The following ADGRB1 variants were observed in gnomAD, a reference collection of about 807,000 sequenced individuals.
ADGRB1 encodes brain-specific angiogenesis inhibitor 1.
Under a neutral mutation model 175.7 loss-of-function variants are expected in ADGRB1, and 36 were observed. The observed-to-expected ratio is 0.20, with a 90% CI of 0.16 to 0.27. The LOEUF is 0.27. Among genes scored for constraint, ADGRB1 ranks in the 10% least tolerant of loss-of-function variants. The pLI is 1.00. For synonymous variants in ADGRB1, 1,054 were observed against 979.4 expected (o/e 1.08, Z -1.42); for missense variants, 1,731 against 2,255.3 (o/e 0.77, Z 4.71).
chr8:142,453,936 GC>G (rs376891300), intron 1 of ADGRB1, among the ~76,000 whole-genome samples: 61 of 152,342 alleles, frequency 4.0e-4, no homozygotes, highest in African/African-American at 1.5e-3. Context: ...AGGGCATTGT[GC>G]GGGTGTGAGA....
intron 17 of ADGRB1, among the ~76,000 whole-genome samples, chr8:142,507,189 G>A (rs1229195883): frequency 6.6e-6 from 1 of 152,232 alleles, no homozygotes; most frequent in African/African-American, 2.4e-5. Context: ...CAGAGTAGAA[G>A]CCATTATCGT....
chr8:142,502,399 ATGGTGGTGGTGG>A (rs1243939678), intron 17 of ADGRB1, among the ~76,000 whole-genome samples: 1 of 2,640 alleles, frequency 3.8e-4, no homozygotes, highest in African/African-American at 2.0e-3. Flanking sequence ...AGTGGTGGTG[ATGGTGGTGGTGG>A]TGGTGGTGAT....
At chr8:142,533,992 C>T (rs530336596) in intron 25 of ADGRB1, among the ~76,000 whole-genome samples, 3 of 152,352 alleles carry the variant, frequency 2.0e-5, no homozygotes, top group Non-Finnish European at 2.9e-5. Context: ...TCCAGATCAG[C>T]GCCAGGAGGG....
intron 1 of ADGRB1, among the ~76,000 whole-genome samples, chr8:142,457,939 G>A (rs1839769708): frequency 6.6e-6 from 1 of 152,210 alleles, no homozygotes. Context: ...ACCCTGAGCG[G>A]GGAAGGCCAG....
chr8:142,511,136 C>G lies in ADGRB1; in HGVS notation c.2817+63C>G. 1 of 1,032,656 alleles carries G rather than the reference C, an allele frequency of 9.7e-7. No individual in the cohort carries two copies. The highest frequency in any genetic ancestry group is 1.2e-6 in the Non-Finnish European group (1 of 858,894). 64.0% of individuals were successfully genotyped at this position (1,032,656 alleles called of 1,614,324 possible). A position where few individuals can be genotyped will look rare whatever the true frequency, so the allele number is the denominator to read the frequency against. Reference sequence around the variant, plus strand: ...CAGGGGCGCGGGCGGGGGCTGCCGGCGGGCCTGCGGGTGGGGAGGGCCCGC... The same window carrying G: ...CAGGGGCGCGGGCGGGGGCTGCCGGGGGGCCTGCGGGTGGGGAGGGCCCGC... On this transcript the variant is annotated intron_variant, in intron 18 of 30. Transcript: ENST00000517894. The surrounding 1 kb of genome is among the most constrained non-coding windows in gnomAD (Gnocchi z 4.5).
chr8:142,475,588 A>T lies in ADGRB1; in HGVS notation c.899A>T (p.Glu300Val). The T allele has an allele frequency of 8.0e-7, 1 of 1,250,966 alleles. No individual in the cohort carries two copies. The highest frequency in any genetic ancestry group is 1.0e-6 in the Non-Finnish European group (1 of 998,450). 77.5% of individuals were successfully genotyped at this position (1,250,966 alleles called of 1,614,324 possible). A position where few individuals can be genotyped will look rare whatever the true frequency, so the allele number is the denominator to read the frequency against. Residue 300 changes from glutamate (E) to valine (V), a missense_variant, in exon 3 of 31, where the codon GAG becomes GTG. By Grantham distance (121) the Glu-to-Val change is moderately radical. Around this residue, in one of 8 missense-constraint regions of ADGRB1, gnomAD observed 178 missense variants for 227.8 expected, o/e 0.78. Transcript: ENST00000517894. ...PAPGVEGGGCEGVLEEGRQCN... is the reference protein window; with the variant it reads ...PAPGVEGGGCVGVLEEGRQCN... The stretch of plus-strand genomic sequence containing the variant: ...CCGGGCGTGGAGGGCGGCGGCTGCG[A>T]GGGGGTGCTGGAGGAGGGTCGCCAG...
chr8:142,459,679 A>T (rs995600848), intron 1 of ADGRB1, among the ~76,000 whole-genome samples: 3 of 152,170 alleles, frequency 2.0e-5, no homozygotes, highest in Non-Finnish European at 4.4e-5. Flanking sequence ...GGCACACAGG[A>T]ACACATGCAC....
chr8:142,483,949 C>T, intron 11 of ADGRB1, 28 bp from the exon 12 acceptor site: 1 of 1,612,126 alleles, frequency 6.2e-7, no homozygotes, highest in Non-Finnish European at 8.5e-7. Context: ...TGTTCTCTGT[C>T]ACTGGCCCTT....
At chr8:142,481,931 T>TG (rs1841358733) in intron 11 of ADGRB1, among the ~76,000 whole-genome samples, 1 of 150,728 alleles carries the variant, frequency 6.6e-6, no homozygotes, top group African/African-American at 2.4e-5. Flanking sequence ...GCCCTGACCC[T>TG]GGTCACATGC....
Position 142,476,662 on chromosome 8 carries a change from C to T in ADGRB1, c.1024C>T (p.Leu342=), listed in dbSNP as rs1483537810. 4.5e-6 allele frequency: 7 copies of T among 1,547,462 alleles called. No individual in the cohort carries two copies. The highest frequency in any genetic ancestry group is 6.1e-6 in the Non-Finnish European group (7 of 1,145,546). Residue 342 remains leucine (L), a synonymous_variant, in exon 4 of 31, where the codon CTG becomes TTG. Transcript: ENST00000517894. ...ARRREELGDE[L]QQFGFPAPQT... is the part of the protein sequence containing the mutation. ...GCGGCGCGAGGAGCTGGGGGACGAG[C>T]TGCAGCAGTTTGGGTTCCCAGCCCC...
chr8:142,535,668 G>A (rs1844882089), intron 25 of ADGRB1, among the ~76,000 whole-genome samples: 1 of 152,188 alleles, frequency 6.6e-6, no homozygotes, highest in South Asian at 2.1e-4. Flanking sequence ...CCATGAGGCT[G>A]GGGCCTCCTG....
At position 142,464,193 on chromosome 8, in the gene ADGRB1, G is replaced by A; in HGVS notation, c.-6G>A. ...CCGCGGAACCCCGGCGGCCCCGCGA[G>A]CTAGGATGAGGGGCCAGGCCGCCGC... On this transcript the variant is annotated 5_prime_UTR_variant, in exon 2 of 31. Coordinates refer to ENST00000517894, the MANE Select transcript of ADGRB1 (RefSeq NM_001702.3). 3 of 1,266,740 alleles carry A rather than the reference G, an allele frequency of 2.4e-6. No individual in the cohort carries two copies. The highest frequency in any genetic ancestry group is 3.0e-6 in the Non-Finnish European group (3 of 1,011,506). 78.5% of individuals were successfully genotyped at this position (1,266,740 alleles called of 1,614,324 possible).
At chr8:142,452,862 C>T (rs1359746748) in intron 1 of ADGRB1, among the ~76,000 whole-genome samples, 1 of 150,634 alleles carries the variant, frequency 6.6e-6, no homozygotes, top group Non-Finnish European at 1.5e-5. Context: ...GCGGCCGGCG[C>T]GGGGCCGCAG....
In ADGRB1 at chr8:142,510,964, C is replaced by A. The variant is rs750217580; in HGVS notation, c.2708C>A (p.Pro903His). ...TCCTCCGCCCCCCCGCAGCTCGGGC[C>A]CTGGTCGTGGCGCGGCTGCCGCACG... ...PSSSAPPQLG[P>H]WSWRGCRTVP... Residue 903 changes from proline (P) to histidine (H), a missense_variant, in exon 18 of 31, where the codon CCC (proline) becomes CAC (histidine). This residue lies in a region of ADGRB1 where 77 missense variants were observed against 71.6 expected (regional missense o/e 1.08). Coordinates refer to ENST00000517894, the MANE Select transcript of ADGRB1 (RefSeq NM_001702.3). This position sits in a 1 kb window ranked among gnomAD's most constrained non-coding sequence, Gnocchi z 6.3. 146 of 1,307,428 alleles carry A rather than the reference C, an allele frequency of 1.1e-4. No individual in the cohort carries two copies. Among genetic ancestry groups the A allele is most frequent in the Non-Finnish European group, 9.9e-6 (10 of 1,011,314 alleles). The allele number at this position is 1,307,428 out of a possible 1,614,324, so 81.0% of individuals were successfully genotyped here. A position where few individuals can be genotyped will look rare whatever the true frequency, so the allele number is the denominator to read the frequency against.
At chr8:142,482,010 G>C (rs1841365636) in intron 11 of ADGRB1, among the ~76,000 whole-genome samples, 1 of 150,622 alleles carries the variant, frequency 6.6e-6, no homozygotes, top group South Asian at 2.1e-4. Context: ...ACTGAGCCCT[G>C]ACCCTGGTCA....
chr8:142,544,105 C>A, intron 30 of ADGRB1, 115 bp from the exon 31 acceptor site: 3 of 1,133,628 alleles, frequency 2.6e-6, no homozygotes, highest in Non-Finnish European at 3.7e-6. Flanking sequence ...TGTCCCCTGT[C>A]CCCCACCTCC....
At chr8:142,528,954 C>T (rs571809692) in intron 24 of ADGRB1, among the ~76,000 whole-genome samples, 1 of 152,284 alleles carries the variant, frequency 6.6e-6, no homozygotes, top group African/African-American at 2.4e-5. Flanking sequence ...TCCTGTCCCT[C>T]TGGGGCCCGA....
In ADGRB1 at chr8:142,543,626, A is replaced by C; in HGVS notation, c.4475A>C (p.His1492Pro). ...AAGATCATGCACACCCGGAAGCGGC[A>C]CCAAGACATGTTCCAGGACCTGAAC... ...FEKIMHTRKR[H>P]QDMFQDLNRK... is the part of the protein sequence containing the mutation. The change falls in exon 30 of 31, where the codon CAC becomes CCC. Residue 1492 changes from histidine (H) to proline (P), a missense_variant. Around this residue, in one of 8 missense-constraint regions of ADGRB1, gnomAD observed 394 missense variants for 410.2 expected, o/e 0.96. Transcript: ENST00000517894. This position sits in a 1 kb window ranked among gnomAD's most constrained non-coding sequence, Gnocchi z 4.4. 6.4e-7 allele frequency: 1 copy of C among 1,568,718 alleles called. No individual in the cohort carries two copies. The highest frequency in any genetic ancestry group is 1.2e-5 in the South Asian group (1 of 85,562).
intron 17 of ADGRB1, among the ~76,000 whole-genome samples, chr8:142,508,731 C>G (rs1337400064): frequency 1.3e-5 from 2 of 152,372 alleles, no homozygotes; most frequent in Middle Eastern, 3.4e-3. Context: ...ACAGAGGCAT[C>G]CTCTGAGCCT....
Sources: allele counts gnomAD v4.1 joint callset (sites outside exome capture counted in the v4.1 genomes callset), GRCh38; gene constraint gnomAD v4.1.1; regional missense constraint gnomAD v4.1.1; non-coding constraint Gnocchi (gnomAD v3.1); transcripts MANE v1.5; gene names NCBI Gene and HGNC (gene_info 2026-07-23, HGNC 2026-07-21).